SEMA3E: variants seen among roughly 807,000 people sequenced by gnomAD.
SEMA3E encodes semaphorin-3E.
A neutral mutation model predicts 93.6 loss-of-function variants in SEMA3E; 49 were observed. The observed-to-expected ratio is 0.52, with a 90% confidence interval of 0.42 to 0.66. The LOEUF (loss-of-function observed/expected upper bound fraction) is 0.66, where lower values mean the gene tolerates loss of function less well. SEMA3E is among the 30% of genes least tolerant of loss of function. SEMA3E has a pLI of 0.00. For synonymous variants in SEMA3E, 363 were observed against 330.7 expected, an observed-to-expected ratio of 1.10 and a Z score of -1.06; for missense variants, 906 against 964.8, an observed-to-expected ratio of 0.94 and a Z score of 0.81.
At chr7:83,372,197 G>T in intron 16 of SEMA3E, 1 of 397,472 alleles carries the variant, frequency 2.5e-6, no homozygotes, top group South Asian at 1.3e-4. Context: ...ATAATAATTT[G>T]AATAAGAAGG....
At chr7:83,454,531 C>A (rs112569609) in intron 4 of SEMA3E, among the ~76,000 whole-genome samples, 1,997 of 151,828 alleles carry the variant, frequency 0.013, 47 homozygotes, top group African/African-American at 0.046. Context: ...ACATTTCAGT[C>A]ACATAATGGG....
chr7:83,578,423 G>A (rs1333422221), intron 1 of SEMA3E, among the ~76,000 whole-genome samples: 1 of 152,092 alleles, frequency 6.6e-6, no homozygotes, highest in Non-Finnish European at 1.5e-5. Flanking sequence ...AGGTATGGTG[G>A]CAGATGCCTG....
rs533657731 is a variant in SEMA3E at position 83,554,256 on chromosome 7, G to A, written c.116-63982C>T. 3.9e-5 allele frequency among the ~76,000 whole-genome samples: 6 copies of A among 151,968 alleles called. 1 individual carries two copies. The South Asian group carries it at 1.2e-3, about 32-fold the overall frequency. On this transcript the variant is annotated intron_variant, in intron 1 of 16. Transcript: ENST00000643230. The stretch of plus-strand genomic sequence containing the variant: ...ATTACTGATTTTCTATTTAAAAATT[G>A]GTATACAAAATCCATACTATCTTCT...
In SEMA3E at chr7:83,382,373, G is replaced by C. The variant is rs796891300; in HGVS notation, c.1875+2921C>G. On this transcript the variant is annotated intron_variant, in intron 16 of 16. Coordinates refer to ENST00000643230, the MANE Select transcript of SEMA3E (RefSeq NM_012431.3). ...TGAAACAGCACAGCTTTCGAGTTAG[G>C]AATACCTGAGTTCAAACGTCAGGTC... Among the ~76,000 whole-genome samples, 9 of 152,062 alleles carry C rather than the reference G, an allele frequency of 5.9e-5. 1 individual carries two copies. In the South Asian group the frequency reaches 1.9e-3, roughly 31 times the overall value.
intron 4 of SEMA3E, among the ~76,000 whole-genome samples, chr7:83,463,947 T>A (rs1184462118): frequency 6.6e-6 from 1 of 152,152 alleles, no homozygotes; most frequent in African/African-American, 2.4e-5. Context: ...AGGTAGATAC[T>A]TTCACTGGAT....
chr7:83,430,960 C>T (rs1788868636), intron 4 of SEMA3E, among the ~76,000 whole-genome samples: 1 of 151,434 alleles, frequency 6.6e-6, no homozygotes. Flanking sequence ...GTTCATTACA[C>T]AAAATAACTG....
rs199938913 is a variant in SEMA3E at position 83,509,116 on chromosome 7, CTA to C, written c.116-18844_116-18843del. Among the ~76,000 whole-genome samples, 613 of 152,252 alleles carry C rather than the reference CTA, an allele frequency of 4.0e-3. 4 individuals are homozygous for C. Among genetic ancestry groups the C allele is most frequent in the African/African-American group, 0.014 (578 of 41,552 alleles). ...TTATATTTTTGACTTTCAAGAGACT[CTA>C]TTAAAATTTTGGGACCCCTGGGATG... On this transcript the variant is annotated intron_variant, in intron 1 of 16. Coordinates refer to ENST00000643230, the MANE Select transcript of SEMA3E (RefSeq NM_012431.3).
chr7:83,648,654 G>C lies in SEMA3E; in HGVS notation c.-112C>G, dbSNP rs1584386332. 8 of 793,182 alleles carry C rather than the reference G, an allele frequency of 1.0e-5. No homozygotes were observed. The highest frequency in any genetic ancestry group is 1.8e-5 in the Non-Finnish European group (8 of 455,720). The allele number at this position is 793,182 out of a possible 1,614,324, so 49.1% of individuals were successfully genotyped here. ...CGAGAGGCTTTGTCAGAAATCGAACGCGTTGTCATCAGAAAGCACAGTTCC... is the reference window on the plus strand; with the variant it reads ...CGAGAGGCTTTGTCAGAAATCGAACCCGTTGTCATCAGAAAGCACAGTTCC... On this transcript the variant is annotated 5_prime_UTR_variant, in exon 1 of 17. Coordinates refer to ENST00000643230, the MANE Select transcript of SEMA3E (RefSeq NM_012431.3).
At chr7:83,558,672 T>C (rs1195114705) in intron 1 of SEMA3E, among the ~76,000 whole-genome samples, 7 of 152,052 alleles carry the variant, frequency 4.6e-5, no homozygotes, top group South Asian at 2.1e-4. Flanking sequence ...TTAATAAAAA[T>C]ATGGCTAAGA....
At chr7:83,617,929 A>G (rs1043182291) in intron 1 of SEMA3E, among the ~76,000 whole-genome samples, 3 of 152,226 alleles carry the variant, frequency 2.0e-5, no homozygotes, top group Middle Eastern at 3.4e-3. Flanking sequence ...ATATTGTCTT[A>G]TCAATACACA....
intron 4 of SEMA3E, among the ~76,000 whole-genome samples, chr7:83,438,888 G>GA (rs1256287081): frequency 1.3e-5 from 2 of 152,102 alleles, no homozygotes; most frequent in East Asian, 3.9e-4. Context: ...ACATGGCAAG[G>GA]AAAGAACCAT....
chr7:83,406,268 T>C (rs1788328953), intron 7 of SEMA3E, among the ~76,000 whole-genome samples: 1 of 152,048 alleles, frequency 6.6e-6, no homozygotes, highest in African/African-American at 2.4e-5. Context: ...GCCTTGTCAG[T>C]GCACTTTCAC....
chr7:83,616,998 TACAGG>T (rs1324173621), intron 1 of SEMA3E, among the ~76,000 whole-genome samples: 5 of 152,312 alleles, frequency 3.3e-5, no homozygotes, highest in African/African-American at 1.2e-4. Flanking sequence ...GTGCTGGGAT[TACAGG>T]CGTAAGCCAC....
intron 1 of SEMA3E, among the ~76,000 whole-genome samples, chr7:83,514,163 A>G (rs1345206151): frequency 2.0e-5 from 3 of 152,118 alleles, no homozygotes; most frequent in Non-Finnish European, 2.9e-5. Flanking sequence ...GTTACCCTAT[A>G]TAGTCTAAAA....
Position 83,400,140 on chromosome 7 carries a change from G to A in SEMA3E, c.1254C>T (p.Ala418=). 6.2e-7 allele frequency: 1 copy of A among 1,613,766 alleles called. No homozygotes were observed. The highest frequency in any genetic ancestry group is 8.5e-7 in the Non-Finnish European group (1 of 1,179,888). ...TTTTTACCAATATTGGTTTTTTATG[G>A]GCAGGTTTTATGGCCTGGTACATTA... ...HPLMYQAIKP[A]HKKPILVKTD... Residue 418 remains alanine, a synonymous_variant, in exon 11 of 17, where the codon GCC becomes GCT. Transcript: ENST00000643230.
chr7:83,587,260 G>A (rs912101227), intron 1 of SEMA3E, among the ~76,000 whole-genome samples: 6 of 152,118 alleles, frequency 3.9e-5, no homozygotes, highest in African/African-American at 1.4e-4. Flanking sequence ...ATTAGGTAGT[G>A]CCTCTAGAAA....
chr7:83,529,189 A>C (rs1791231456), intron 1 of SEMA3E, among the ~76,000 whole-genome samples: 1 of 152,272 alleles, frequency 6.6e-6, no homozygotes, highest in South Asian at 2.1e-4. Context: ...TGCTTGATAA[A>C]GGGGATGAAA....
intron 1 of SEMA3E, among the ~76,000 whole-genome samples, chr7:83,543,419 T>C (rs1002249240): frequency 6.6e-6 from 1 of 152,064 alleles, no homozygotes; most frequent in African/African-American, 2.4e-5. Flanking sequence ...ACCAAAATAC[T>C]TCTCTGATTC....
intron 1 of SEMA3E, among the ~76,000 whole-genome samples, chr7:83,635,853 A>G (rs918965488): frequency 6.6e-6 from 1 of 150,714 alleles, no homozygotes; most frequent in African/African-American, 2.5e-5. Flanking sequence ...CAAATTATTC[A>G]TAAAACTTTT....
Sources: allele counts gnomAD v4.1 joint callset (sites outside exome capture counted in the v4.1 genomes callset), GRCh38; gene constraint gnomAD v4.1.1; transcripts MANE v1.5; gene names NCBI Gene and HGNC (gene_info 2026-07-23, HGNC 2026-07-21).